CACNA1E: variants seen among roughly 807,000 people sequenced by gnomAD.
The protein encoded by CACNA1E is calcium voltage-gated channel subunit alpha1 E.
CACNA1E carries 40 observed loss-of-function variants against 259.2 expected under a neutral mutation model. That is an observed-to-expected ratio of 0.15 (90% CI 0.12 to 0.20). The LOEUF (loss-of-function observed/expected upper bound fraction) is 0.20. CACNA1E is among the 10% of genes least tolerant of loss of function. CACNA1E has a pLI of 1.00. For missense variants in CACNA1E, 1,874 were observed against 3,040.1 expected (o/e 0.62, Z 9.02); for synonymous variants, 1,104 against 1,138.5 (o/e 0.97, Z 0.61).
chr1:181,374,386 G>GT (rs112064693), intron 1 of CACNA1E, among the ~76,000 whole-genome samples: 13,005 of 138,312 alleles, frequency 0.094, 1,104 homozygotes, highest in African/African-American at 0.24. Flanking sequence ...ATTATTTTAT[G>GT]TTTTTTTTTT....
At chr1:181,514,189 C>A (rs1241935794) in intron 3 of CACNA1E, among the ~76,000 whole-genome samples, 10 of 152,166 alleles carry the variant, frequency 6.6e-5, no homozygotes. Flanking sequence ...CTAAGATGCA[C>A]GTTTTTCATG....
At chr1:181,391,941 C>CTGTGTGTG (rs1168690866) in intron 1 of CACNA1E, among the ~76,000 whole-genome samples, 21 of 116,882 alleles carry the variant, frequency 1.8e-4, no homozygotes, top group African/African-American at 7.9e-4. Flanking sequence ...CTCTCTCTCT[C>CTGTGTGTG]TCTCTGTGTG....
At position 181,758,026 on chromosome 1, in the gene CACNA1E, G is replaced by A. The variant is rs1658242457; in HGVS notation, c.4409G>A (p.Arg1470His). The A allele has an allele frequency of 6.2e-7, 1 of 1,613,890 alleles. No homozygotes were observed. The highest frequency in any genetic ancestry group is 8.5e-7 in the Non-Finnish European group (1 of 1,179,842). ...MPQNRHTFQY[R>H]VWHFVVSPSF... ...CAGAACAGACACACCTTCCAGTACC[G>A]CGTGTGGCACTTTGTGGTGTCTCCG... The change falls in exon 31 of 48, where the codon CGC becomes CAC. Residue 1470 changes from arginine to histidine, a missense_variant. Transcript: ENST00000367573. The surrounding 1 kb of genome is among the most constrained non-coding windows in gnomAD (Gnocchi z 4.2).
chr1:181,502,109 T>C (rs1249597457), intron 1 of CACNA1E, among the ~76,000 whole-genome samples: 1 of 152,014 alleles, frequency 6.6e-6, no homozygotes, highest in East Asian at 1.9e-4. Flanking sequence ...GGGAGGGGTA[T>C]GCAGGGTGGA....
intron 2 of CACNA1E, among the ~76,000 whole-genome samples, chr1:181,449,013 C>T (rs140412205): frequency 6.6e-6 from 1 of 152,204 alleles, no homozygotes; most frequent in African/African-American, 2.4e-5. Flanking sequence ...CAGAGAAAGA[C>T]CTTCCAGGAA....
intron 18 of CACNA1E, among the ~76,000 whole-genome samples, chr1:181,728,429 G>A (rs1003562760): frequency 1.3e-5 from 2 of 152,234 alleles, no homozygotes; most frequent in African/African-American, 4.8e-5. Context: ...TCCAAGACCA[G>A]CAGAGACCCG....
chr1:181,570,779 G>T (rs139645540), intron 3 of CACNA1E, among the ~76,000 whole-genome samples: 1 of 152,264 alleles, frequency 6.6e-6, no homozygotes, highest in East Asian at 1.9e-4. Context: ...ACCTGTGATT[G>T]TGCCTCGAGT....
chr1:181,569,876 G>A (rs1447039922), intron 3 of CACNA1E, among the ~76,000 whole-genome samples: 14 of 152,178 alleles, frequency 9.2e-5, no homozygotes, highest in Non-Finnish European at 2.1e-4. Flanking sequence ...GAGTTACGAG[G>A]ATCTAACTCA....
At chr1:181,347,050 A>G (rs1456042633) in intron 1 of CACNA1E, among the ~76,000 whole-genome samples, 2 of 152,114 alleles carry the variant, frequency 1.3e-5, no homozygotes, top group African/African-American at 4.8e-5. Context: ...TTTTCATGAA[A>G]ACATCTCATC....
At position 181,801,392 on chromosome 1, in the gene CACNA1E, G is replaced by A. The variant is rs1241037771; in HGVS notation, c.*2558G>A. On this transcript the variant is annotated 3_prime_UTR_variant, in exon 48 of 48. Coordinates refer to ENST00000367573, the MANE Select transcript of CACNA1E (RefSeq NM_001205293.3). The stretch of plus-strand genomic sequence containing the variant: ...CTTGAACTCATACACACAGGTATTT[G>A]AGTCCTGAATAAAGTGTTGGAAAGC... The A allele has an allele frequency of 6.6e-6, 1 of 152,254 alleles. No homozygotes were observed. The highest frequency in any genetic ancestry group is 1.5e-5 in the Non-Finnish European group (1 of 68,024). 9.4% of individuals were successfully genotyped at this position (152,254 alleles called of 1,614,324 possible). A position where few individuals can be genotyped will look rare whatever the true frequency, so the allele number is the denominator to read the frequency against.
chr1:181,687,541 A>C (rs372256040), intron 7 of CACNA1E, among the ~76,000 whole-genome samples: 1 of 152,164 alleles, frequency 6.6e-6, no homozygotes, highest in Admixed American at 6.5e-5. Context: ...AGAGCCCCAG[A>C]GGCTCACCTC....
intron 2 of CACNA1E, among the ~76,000 whole-genome samples, chr1:181,441,439 C>G: frequency 6.6e-6 from 1 of 152,310 alleles, no homozygotes; most frequent in South Asian, 2.1e-4. Flanking sequence ...CGTGAGCCAC[C>G]GCACCTGGCC....
In CACNA1E at chr1:181,567,999, C is replaced by T. The variant is rs537289221; in HGVS notation, c.513-9767C>T. Among the ~76,000 whole-genome samples, 51 of 152,112 alleles carry T rather than the reference C, an allele frequency of 3.4e-4. 1 individual carries two copies. The South Asian group carries it at 8.5e-3, about 25-fold the overall frequency. On this transcript the variant is annotated intron_variant, in intron 3 of 47. Coordinates refer to ENST00000367573, the MANE Select transcript of CACNA1E (RefSeq NM_001205293.3). Reference sequence around the variant, plus strand: ...CACATCTGGCTTGTGATGTAAAATACATTGCTTAATGTAGGCTATGATCAA... The same window carrying T: ...CACATCTGGCTTGTGATGTAAAATATATTGCTTAATGTAGGCTATGATCAA...
At chr1:181,615,791 A>G (rs1357096521) in intron 6 of CACNA1E, among the ~76,000 whole-genome samples, 2 of 152,194 alleles carry the variant, frequency 1.3e-5, no homozygotes, top group Non-Finnish European at 2.9e-5. Context: ...AGAAGTGGCA[A>G]TAATGGAATT....
chr1:181,368,660 G>A (rs1013032064), intron 1 of CACNA1E, among the ~76,000 whole-genome samples: 1 of 152,280 alleles, frequency 6.6e-6, no homozygotes, highest in East Asian at 1.9e-4. Flanking sequence ...GGGCAGTGCT[G>A]TGCCCATAGT....
At chr1:181,371,219 TC>T (rs1483254131) in intron 1 of CACNA1E, among the ~76,000 whole-genome samples, 1 of 152,228 alleles carries the variant, frequency 6.6e-6, no homozygotes, top group Non-Finnish European at 1.5e-5. Context: ...TTGTAGGTTG[TC>T]TGTTTATTGA....
At chr1:181,418,823 C>T (rs1219394845) in intron 2 of CACNA1E, among the ~76,000 whole-genome samples, 1 of 151,874 alleles carries the variant, frequency 6.6e-6, no homozygotes, top group Non-Finnish European at 1.5e-5. Flanking sequence ...GTCCAAGCAC[C>T]TTTTATTATT....
At chr1:181,415,036 G>A (rs1310014816) in intron 2 of CACNA1E, among the ~76,000 whole-genome samples, 2 of 152,206 alleles carry the variant, frequency 1.3e-5, no homozygotes, top group East Asian at 1.9e-4. Flanking sequence ...AAGACAAGTA[G>A]GAGGGAGTAG....
At chr1:181,449,108 C>T (rs987408458) in intron 2 of CACNA1E, among the ~76,000 whole-genome samples, 1 of 152,222 alleles carries the variant, frequency 6.6e-6, no homozygotes, top group African/African-American at 2.4e-5. Flanking sequence ...GGAGGCCTCC[C>T]ATTCTGTGAA....
Sources: gnomAD v4.1 joint callset for allele counts (sites outside exome capture counted in the v4.1 genomes callset) on GRCh38, gnomAD v4.1.1 for gene constraint, Gnocchi (gnomAD v3.1) non-coding constraint, MANE v1.5 for transcripts, NCBI Gene and HGNC (gene_info 2026-07-23, HGNC 2026-07-21) for gene names.